CDH12: variants seen among roughly 807,000 people sequenced by gnomAD.
CDH12 encodes the protein cadherin 12, also known as cadherin-12.
Under a neutral mutation model 74.1 loss-of-function variants are expected in CDH12, and 41 were observed. The observed-to-expected ratio is 0.55, with a 90% CI of 0.43 to 0.72. The LOEUF (loss-of-function observed/expected upper bound fraction) is 0.72. CDH12 is among the 30% of genes least tolerant of loss of function. The probability of loss-of-function intolerance (pLI) is 0.00; values close to 1 mark genes in which losing one functional copy is unlikely to be tolerated. For missense variants in CDH12, 945 were observed against 977.2 expected (o/e 0.97, Z 0.44); for synonymous variants, 399 against 355.0 (o/e 1.12, Z -1.39).
chr5:21,989,460 C>T lies in CDH12; in HGVS notation c.232-14075G>A, dbSNP rs144642504. On this transcript the variant is annotated intron_variant, in intron 5 of 14. Coordinates refer to ENST00000382254, the MANE Select transcript of CDH12 (RefSeq NM_004061.5). ...TCTCTGTACTTTCGGGTGTGTTTCC[C>T]TATTAGCAGGTAAAACATTTATCTC... 3.5e-3 allele frequency among the ~76,000 whole-genome samples: 539 copies of T among 152,176 alleles called. 4 individuals are homozygous for T. Among genetic ancestry groups the T allele is most frequent in the African/African-American group, 0.012 (504 of 41,510 alleles).
intron 6 of CDH12, among the ~76,000 whole-genome samples, chr5:21,912,012 AC>A (rs1417498078): frequency 3.9e-5 from 6 of 152,152 alleles, no homozygotes; most frequent in Admixed American, 3.9e-4. Flanking sequence ...ATAAAGAGAA[AC>A]AAGTTAGGAC....
intron 2 of CDH12, among the ~76,000 whole-genome samples, chr5:22,432,958 A>G (rs1472188757): frequency 6.6e-6 from 1 of 152,132 alleles, no homozygotes; most frequent in Non-Finnish European, 1.5e-5. Context: ...AGTTATATGC[A>G]AAACTTGGGG....
intron 4 of CDH12, among the ~76,000 whole-genome samples, chr5:22,204,450 C>T (rs1397745107): frequency 1.3e-5 from 2 of 152,150 alleles, no homozygotes; most frequent in Non-Finnish European, 2.9e-5. Flanking sequence ...CGTGAGCCAC[C>T]GCGCCCAGCC....
At chr5:22,402,971 T>C (rs1031446520) in intron 3 of CDH12, among the ~76,000 whole-genome samples, 1 of 152,252 alleles carries the variant, frequency 6.6e-6, no homozygotes, top group East Asian at 1.9e-4. Flanking sequence ...AGAAGGAAGA[T>C]GAACAATCTT....
chr5:21,908,993 G>A lies in CDH12; in HGVS notation c.527-54203C>T, dbSNP rs571190997. On this transcript the variant is annotated intron_variant, in intron 6 of 14. Transcript: ENST00000382254. ...TGGTATTCTGGAGCTCAGTATTTGA[G>A]AATTATCTTTTTTTCCTTGGCTTCT... Among the ~76,000 whole-genome samples, 9 of 152,252 alleles carry A rather than the reference G, an allele frequency of 5.9e-5. No individual in the cohort carries two copies. The South Asian group carries it at 1.9e-3, about 32-fold the overall frequency.
At chr5:21,840,703 A>T (rs1749792918) in intron 8 of CDH12, among the ~76,000 whole-genome samples, 1 of 152,078 alleles carries the variant, frequency 6.6e-6, no homozygotes, top group African/African-American at 2.4e-5. Context: ...ATAACGCCGC[A>T]TATCTACAAC....
At chr5:22,305,224 A>G (rs1738053934) in intron 3 of CDH12, among the ~76,000 whole-genome samples, 1 of 152,138 alleles carries the variant, frequency 6.6e-6, no homozygotes, top group South Asian at 2.1e-4. Flanking sequence ...TGCAGGAGAT[A>G]ATCATCTAGT....
At chr5:22,639,211 G>T (rs1739008941) in intron 1 of CDH12, among the ~76,000 whole-genome samples, 1 of 151,966 alleles carries the variant, frequency 6.6e-6, no homozygotes, top group Admixed American at 6.6e-5. Flanking sequence ...AAATTAGAAG[G>T]CTGTGAAGTA....
At chr5:22,521,804 C>T (rs1737065425) in intron 1 of CDH12, among the ~76,000 whole-genome samples, 1 of 152,124 alleles carries the variant, frequency 6.6e-6, no homozygotes. Flanking sequence ...AAGGAGGTGG[C>T]TAGCCAGATT....
At chr5:22,080,824 G>A (rs1473654406) in intron 4 of CDH12, among the ~76,000 whole-genome samples, 1 of 151,466 alleles carries the variant, frequency 6.6e-6, no homozygotes, top group Non-Finnish European at 1.5e-5. Context: ...GTGTCTCCCA[G>A]GCTGGAGCGC....
chr5:22,337,665 T>A (rs1580537538), intron 3 of CDH12, among the ~76,000 whole-genome samples: 1 of 152,344 alleles, frequency 6.6e-6, no homozygotes, highest in Non-Finnish European at 1.5e-5. Flanking sequence ...CACATGGAAC[T>A]GTAAGTCCAA....
intron 3 of CDH12, among the ~76,000 whole-genome samples, chr5:22,306,052 A>G (rs1292546791): frequency 1.3e-5 from 2 of 152,132 alleles, no homozygotes; most frequent in Non-Finnish European, 2.9e-5. Context: ...TTGAACTGTT[A>G]TAATTCTCTC....
At chr5:22,730,672 A>G (rs992545720) in intron 1 of CDH12, among the ~76,000 whole-genome samples, 1 of 151,830 alleles carries the variant, frequency 6.6e-6, no homozygotes, top group Non-Finnish European at 1.5e-5. Flanking sequence ...CTTTGTTCAC[A>G]TTGAAGTTGG....
intron 3 of CDH12, among the ~76,000 whole-genome samples, chr5:22,270,102 T>C (rs983204523): frequency 6.6e-6 from 1 of 152,278 alleles, no homozygotes; most frequent in East Asian, 1.9e-4. Context: ...GCTGGGAGTA[T>C]GGAGTTCTGC....
chr5:22,767,688 C>T (rs1746591966), intron 1 of CDH12, among the ~76,000 whole-genome samples: 1 of 151,910 alleles, frequency 6.6e-6, no homozygotes, highest in African/African-American at 2.4e-5. Flanking sequence ...CCTAATTATA[C>T]CCAGCCACCT....
intron 1 of CDH12, among the ~76,000 whole-genome samples, chr5:22,700,102 G>A (rs1742633990): frequency 6.6e-6 from 1 of 152,064 alleles, no homozygotes; most frequent in Non-Finnish European, 1.5e-5. Flanking sequence ...AGGAGGCAGA[G>A]GTTGCAATGA....
chr5:22,028,894 G>A (rs1004096833), intron 5 of CDH12, among the ~76,000 whole-genome samples: 5 of 152,102 alleles, frequency 3.3e-5, no homozygotes, highest in Non-Finnish European at 7.4e-5. Context: ...AAACAGCATG[G>A]TACTGGTACC....
intron 3 of CDH12, among the ~76,000 whole-genome samples, chr5:22,380,686 G>A (rs188231251): frequency 2.6e-5 from 4 of 152,162 alleles, no homozygotes; most frequent in African/African-American, 9.6e-5. Flanking sequence ...TAATGATGTA[G>A]CTGCATCATG....
chr5:22,696,236 T>C (rs916463306), intron 1 of CDH12, among the ~76,000 whole-genome samples: 1 of 151,906 alleles, frequency 6.6e-6, no homozygotes, highest in Non-Finnish European at 1.5e-5. Context: ...CCGGGCGTGG[T>C]GGCGGGCACC....
Sources: gnomAD v4.1 joint callset for allele counts (sites outside exome capture counted in the v4.1 genomes callset) on GRCh38, gnomAD v4.1.1 for gene constraint, MANE v1.5 for transcripts, NCBI Gene and HGNC (gene_info 2026-07-23, HGNC 2026-07-21) for gene names.